LDAH: variants seen among roughly 807,000 people sequenced by gnomAD.
The protein encoded by LDAH is lipid droplet associated hydrolase.
In LDAH, 26 loss-of-function variants were observed where a neutral mutation model predicts 29.6. The ratio of observed to expected loss-of-function variants is 0.88; its 90% CI spans 0.64 to 1.22. The LOEUF is 1.22. LDAH is among the 50% of genes most tolerant of loss of function. The probability of loss-of-function intolerance (pLI) is 0.00; values close to 1 mark genes in which losing one functional copy is unlikely to be tolerated. For synonymous variants in LDAH, 117 were observed against 133.0 expected, an observed-to-expected ratio of 0.88 and a Z score of 0.83; for missense variants, 344 against 387.3, an observed-to-expected ratio of 0.89 and a Z score of 0.94.
At chr2:20,822,277 A>C (rs1039356146) in intron 1 of LDAH, among the ~76,000 whole-genome samples, 1 of 152,042 alleles carries the variant, frequency 6.6e-6, no homozygotes, top group Admixed American at 6.5e-5. Flanking sequence ...GGCGCCCGCC[A>C]CCACGCCCGG....
chr2:20,773,970 GTC>G (rs1669614278), intron 4 of LDAH, among the ~76,000 whole-genome samples: 1 of 152,124 alleles, frequency 6.6e-6, no homozygotes, highest in African/African-American at 2.4e-5. Context: ...TGGTTAGACT[GTC>G]TCCTCAAGCA....
chr2:20,796,705 A>C (rs1040353356), intron 2 of LDAH, among the ~76,000 whole-genome samples: 1 of 152,154 alleles, frequency 6.6e-6, no homozygotes, highest in African/African-American at 2.4e-5. Flanking sequence ...CCCAACCCCC[A>C]GACTTTCTGG....
intron 4 of LDAH, among the ~76,000 whole-genome samples, chr2:20,766,559 C>T (rs1249800163): frequency 1.3e-5 from 2 of 152,198 alleles, no homozygotes; most frequent in African/African-American, 4.8e-5. Context: ...AGAAACAAAC[C>T]TTTGTTGTTA....
chr2:20,703,077 T>C (rs1664064985), intron 5 of LDAH, among the ~76,000 whole-genome samples: 1 of 152,178 alleles, frequency 6.6e-6, no homozygotes, highest in Non-Finnish European at 1.5e-5. Context: ...CCGCCTGCCT[T>C]GGCCTCTCAA....
intron 6 of LDAH, among the ~76,000 whole-genome samples, chr2:20,688,598 G>A (rs1157159727): frequency 6.6e-6 from 1 of 152,178 alleles, no homozygotes; most frequent in Non-Finnish European, 1.5e-5. Context: ...TCACTGGATA[G>A]TTTGAGTGTA....
chr2:20,708,309 T>C (rs1572441308), intron 5 of LDAH, among the ~76,000 whole-genome samples: 1 of 152,040 alleles, frequency 6.6e-6, no homozygotes, highest in South Asian at 2.1e-4. Context: ...GGAGTAAAAT[T>C]AGCCCTAAAC....
At chr2:20,822,925 C>G (rs1044960260) in intron 1 of LDAH, 112 bp downstream of exon 1, 3 of 152,286 alleles carry the variant, frequency 2.0e-5, no homozygotes, top group Non-Finnish European at 2.9e-5. Context: ...TGGCCCAGGG[C>G]AACAGGGGCT....
At chr2:20,701,881 A>G (rs922883583) in intron 5 of LDAH, among the ~76,000 whole-genome samples, 6 of 152,334 alleles carry the variant, frequency 3.9e-5, no homozygotes, top group Middle Eastern at 3.4e-3. Context: ...TGGCTTCTCC[A>G]TAGCAAAAGT....
intron 6 of LDAH, among the ~76,000 whole-genome samples, chr2:20,700,272 C>A (rs576338757): frequency 2.6e-5 from 4 of 152,316 alleles, no homozygotes; most frequent in African/African-American, 7.2e-5. Context: ...TTCTGGTTTC[C>A]AAATTTCAAT....
In LDAH at chr2:20,740,017, T is replaced by C; in HGVS notation, c.657A>G (p.Leu219=). The C allele has an allele frequency of 6.2e-7, 1 of 1,614,104 alleles. No individual in the cohort carries two copies. The highest frequency in any genetic ancestry group is 8.5e-7 in the Non-Finnish European group (1 of 1,179,974). The change falls in exon 5 of 7, where the codon CTA becomes CTG. Residue 219 remains leucine (L), a synonymous_variant. Transcript: ENST00000237822. ...TATTCAATGGTGAAAATTCATTCTC[T>C]AGGTTCATTACTTGAAGGCCCCTTC... ...LIRRGLQVMN[L]ENEFSPLNIL...
intron 5 of LDAH, among the ~76,000 whole-genome samples, chr2:20,706,492 C>G (rs1664311418): frequency 6.6e-6 from 1 of 152,186 alleles, no homozygotes; most frequent in Non-Finnish European, 1.5e-5. Context: ...GATGCTCTGT[C>G]TTTTCGCTAC....
In LDAH at chr2:20,729,762, A is replaced by G. The variant is rs141085639; in HGVS notation, c.703+10209T>C. 2.8e-3 allele frequency among the ~76,000 whole-genome samples: 431 copies of G among 152,344 alleles called. 5 individuals carry two copies. Among genetic ancestry groups the G allele is most frequent in the African/African-American group, 1.0e-2 (415 of 41,590 alleles). On this transcript the variant is annotated intron_variant, in intron 5 of 6. Transcript: ENST00000237822. ...AGTTTCTCCCATGGTAATATCTTGC[A>G]AAACCACAGTATAATGTTACAGCCA...
At chr2:20,774,637 C>T (rs1182882390) in intron 4 of LDAH, among the ~76,000 whole-genome samples, 173 bp downstream of exon 4, 1 of 152,206 alleles carries the variant, frequency 6.6e-6, no homozygotes, top group African/African-American at 2.4e-5. Flanking sequence ...TATGAACATA[C>T]ATTCACATAA....
At chr2:20,773,645 T>C (rs1572599799) in intron 4 of LDAH, among the ~76,000 whole-genome samples, 1 of 152,198 alleles carries the variant, frequency 6.6e-6, no homozygotes, top group Admixed American at 6.5e-5. Context: ...TATTTTCTTA[T>C]ACCCAATAAT....
intron 1 of LDAH, among the ~76,000 whole-genome samples, chr2:20,818,655 G>C (rs376162595): frequency 9.9e-5 from 15 of 151,808 alleles, no homozygotes; most frequent in South Asian, 8.3e-4. Context: ...AATAGAACAA[G>C]AAATTGAAGG....
At chr2:20,694,941 G>A (rs996907290) in intron 6 of LDAH, among the ~76,000 whole-genome samples, 35 of 152,232 alleles carry the variant, frequency 2.3e-4, no homozygotes, top group African/African-American at 5.8e-4. Flanking sequence ...CTAACCCAGG[G>A]CCTCTGCTTT....
intron 1 of LDAH, among the ~76,000 whole-genome samples, chr2:20,807,624 C>A (rs953517572): frequency 6.6e-6 from 1 of 151,666 alleles, no homozygotes; most frequent in African/African-American, 2.4e-5. Context: ...GAAAATATTT[C>A]ATAAAATCCA....
chr2:20,768,411 C>G (rs1240399358), intron 4 of LDAH, among the ~76,000 whole-genome samples: 3 of 152,206 alleles, frequency 2.0e-5, no homozygotes, highest in African/African-American at 7.2e-5. Context: ...GTGCCTGGTC[C>G]AGCTGCAGCC....
At chr2:20,812,787 T>C (rs1239173790) in intron 1 of LDAH, among the ~76,000 whole-genome samples, 7 of 152,158 alleles carry the variant, frequency 4.6e-5, no homozygotes, top group Non-Finnish European at 8.8e-5. Flanking sequence ...TATTAACAAA[T>C]GTCCAAGAGC....
Sources: allele counts gnomAD v4.1 joint callset (sites outside exome capture counted in the v4.1 genomes callset), GRCh38; gene constraint gnomAD v4.1.1; transcripts MANE v1.5; gene names NCBI Gene and HGNC (gene_info 2026-07-23, HGNC 2026-07-21).